The following AHI1 variants were observed in gnomAD, a reference collection of about 807,000 sequenced individuals.
The protein encoded by AHI1 is jouberin.
AHI1 carries 123 observed loss-of-function variants against 149.3 expected under a neutral mutation model. The observed-to-expected ratio is 0.82, with a 90% CI of 0.71 to 0.96. The LOEUF (loss-of-function observed/expected upper bound fraction) is 0.96, where lower values mean the gene tolerates loss of function less well. AHI1 is among the 40% of genes least tolerant of loss of function. AHI1 has a pLI of 0.00. For missense variants in AHI1, 1,439 were observed against 1,422.7 expected, an observed-to-expected ratio of 1.01 and a Z score of -0.18; for synonymous variants, 475 against 459.8, an observed-to-expected ratio of 1.03 and a Z score of -0.42.
intron 8 of AHI1, among the ~76,000 whole-genome samples, chr6:135,459,882 A>AAAATCC (rs1789598932): frequency 2.0e-5 from 3 of 152,322 alleles, no homozygotes; most frequent in African/African-American, 7.2e-5. Context: ...CATATGTAGA[A>AAAATCC]AAATCCAAAC....
At chr6:135,347,251 GT>G (rs1261366259) in intron 24 of AHI1, among the ~76,000 whole-genome samples, 1 of 152,160 alleles carries the variant, frequency 6.6e-6, no homozygotes, top group Non-Finnish European at 1.5e-5. Flanking sequence ...CCCATTGAAA[GT>G]TACAGTTATA....
chr6:135,418,099 A>G (rs1372831694), intron 20 of AHI1, among the ~76,000 whole-genome samples: 1 of 152,078 alleles, frequency 6.6e-6, no homozygotes, highest in Non-Finnish European at 1.5e-5. Flanking sequence ...GCTCTACTCT[A>G]ACCTGGTATG....
chr6:135,467,726 T>G (rs1334162015), intron 5 of AHI1, 92 bp from the exon 6 acceptor site: 12 of 889,288 alleles, frequency 1.3e-5, no homozygotes, highest in Non-Finnish European at 1.8e-5. Flanking sequence ...GTGGAATTAT[T>G]GGGAAAATTA....
intron 19 of AHI1, 32 bp downstream of exon 19, chr6:135,428,597 C>A: frequency 6.3e-7 from 1 of 1,584,632 alleles, no homozygotes; most frequent in Non-Finnish European, 8.6e-7. Flanking sequence ...TGTACCTCCC[C>A]AAATGATTTT....
intron 26 of AHI1, among the ~76,000 whole-genome samples, chr6:135,305,505 C>G (rs1784437904): frequency 6.6e-6 from 1 of 152,200 alleles, no homozygotes; most frequent in African/African-American, 2.4e-5. Context: ...TGAAGTCCTT[C>G]CTACATTCTT....
chr6:135,349,559 A>G (rs1254623190), intron 24 of AHI1, among the ~76,000 whole-genome samples: 2 of 152,214 alleles, frequency 1.3e-5, no homozygotes, highest in Non-Finnish European at 2.9e-5. Flanking sequence ...ACTGACAACA[A>G]CTAACCTATG....
At chr6:135,420,692 G>A (rs533443213) in intron 20 of AHI1, among the ~76,000 whole-genome samples, 134 of 152,296 alleles carry the variant, frequency 8.8e-4, no homozygotes, top group African/African-American at 3.2e-3. Context: ...CCTTGCTCTA[G>A]ATTAGGCTCT....
At chr6:135,490,004 G>T (rs369203465) in intron 5 of AHI1, 2 of 497,420 alleles carry the variant, frequency 4.0e-6, no homozygotes, top group African/African-American at 2.0e-5. Context: ...CTCAAGTAGG[G>T]AGATAGGTAT....
At position 135,342,575 on chromosome 6, in the gene AHI1, C is replaced by T. The variant is rs571264384; in HGVS notation, c.3165+15557G>A. 2.0e-5 allele frequency among the ~76,000 whole-genome samples: 3 copies of T among 151,904 alleles called. No individual in the cohort carries two copies. In the South Asian group the frequency reaches 6.2e-4, roughly 31 times the overall value. On this transcript the variant is annotated intron_variant, in intron 24 of 28. Coordinates refer to ENST00000265602, the MANE Select transcript of AHI1 (RefSeq NM_001134831.2). ...CAAGTGGGATTTGTCAAGGGAATGA[C>T]AGGTTGGCTTAACATATGAAAATCT...
intron 22 of AHI1, among the ~76,000 whole-genome samples, chr6:135,396,504 GCAAAC>G (rs892193039): frequency 3.3e-5 from 5 of 151,632 alleles, no homozygotes; most frequent in Non-Finnish European, 5.9e-5. Flanking sequence ...CTTGGCAAGG[GCAAAC>G]CATAAAGTAG....
chr6:135,323,088 G>C (rs1463606723), intron 25 of AHI1, 74 bp downstream of exon 25: 2 of 1,422,014 alleles, frequency 1.4e-6, no homozygotes, highest in Non-Finnish European at 1.9e-6. Context: ...GTAAATTAAA[G>C]ACTAGAAAAT....
At chr6:135,456,232 TG>T (rs1360902390) in intron 9 of AHI1, among the ~76,000 whole-genome samples, 4 of 152,176 alleles carry the variant, frequency 2.6e-5, no homozygotes, top group African/African-American at 9.7e-5. Flanking sequence ...TTCAGAATTT[TG>T]TAAGAGTTTA....
At chr6:135,305,618 A>G (rs1298104082) in intron 26 of AHI1, among the ~76,000 whole-genome samples, 4 of 152,196 alleles carry the variant, frequency 2.6e-5, no homozygotes, top group Non-Finnish European at 5.9e-5. Context: ...AATTATTGCA[A>G]CAGCCCCTTC....
chr6:135,453,376 A>G lies in AHI1; in HGVS notation c.1405T>C (p.Cys469Arg), dbSNP rs539194432. 64 of 1,562,624 alleles carry G rather than the reference A, an allele frequency of 4.1e-5. No homozygotes were observed. The highest frequency in any genetic ancestry group is 3.5e-4 in the East Asian group (15 of 42,332). ...GCCCAGGCAATTTTCCGAAAGCCAC[A>G]TTCTTGGTTTTGAACCTCAGAATTA... ...KNNSEVQNQE[C>R]GFRKIAWAFL... Residue 469 changes from cysteine (C) to arginine (R), a missense_variant, in exon 11 of 29, where the codon TGT becomes CGT. Transcript: ENST00000265602.
intron 23 of AHI1, among the ~76,000 whole-genome samples, chr6:135,383,667 T>C (rs1777190866): frequency 6.6e-6 from 1 of 152,170 alleles, no homozygotes; most frequent in African/African-American, 2.4e-5. Context: ...AAAAACCTAT[T>C]TTAAAATCTA....
chr6:135,332,717 A>C (rs2746419), intron 24 of AHI1, among the ~76,000 whole-genome samples: 70,735 of 152,160 alleles, frequency 0.46, 18,060 homozygotes, highest in Middle Eastern at 0.62. Flanking sequence ...TAATCTTGAC[A>C]ACAAAAAGTA....
At chr6:135,494,039 G>T (rs1795630554) in intron 3 of AHI1, among the ~76,000 whole-genome samples, 1 of 152,160 alleles carries the variant, frequency 6.6e-6, no homozygotes, top group Non-Finnish European at 1.5e-5. Context: ...TAATATTTTA[G>T]AAAGATTAAA....
chr6:135,347,123 G>A (rs1039671000), intron 24 of AHI1, among the ~76,000 whole-genome samples: 2 of 152,182 alleles, frequency 1.3e-5, no homozygotes, highest in Non-Finnish European at 1.5e-5. Flanking sequence ...AATTTCCATG[G>A]TGGATTTATT....
chr6:135,302,895 A>C, intron 26 of AHI1: 1 of 999,144 alleles, frequency 1.0e-6, no homozygotes, highest in Non-Finnish European at 1.3e-6. Context: ...GCCAAAGAAC[A>C]TGACTGCCCT....
Sources: allele counts gnomAD v4.1 joint callset (sites outside exome capture counted in the v4.1 genomes callset), GRCh38; gene constraint gnomAD v4.1.1; transcripts MANE v1.5; gene names NCBI Gene and HGNC (gene_info 2026-07-23, HGNC 2026-07-21).